MYL2: variants seen among roughly 807,000 people sequenced by gnomAD.
The protein encoded by MYL2 is myosin regulatory light chain 2, ventricular/cardiac muscle isoform.
Under a neutral mutation model 23.0 loss-of-function variants are expected in MYL2, and 19 were observed. That is an observed-to-expected ratio of 0.83 (90% confidence interval 0.58 to 1.21). The LOEUF (loss-of-function observed/expected upper bound fraction) is 1.21. Among genes scored for constraint, MYL2 ranks in the 50% most tolerant of loss-of-function variants. MYL2 has a pLI of 0.00. For synonymous variants in MYL2, 78 were observed against 76.2 expected (o/e 1.02, Z -0.13); for missense variants, 180 against 215.1 (o/e 0.84, Z 1.02).
chr12:110,916,443 G>A (rs1592801360), intron 2 of MYL2, among the ~76,000 whole-genome samples: 1 of 152,218 alleles, frequency 6.6e-6, no homozygotes. Context: ...ACTGATGAAT[G>A]GATAAACCAA....
intron 3 of MYL2, among the ~76,000 whole-genome samples, chr12:110,915,122 A>G (rs1217932386): frequency 6.6e-6 from 1 of 152,194 alleles, no homozygotes; most frequent in Non-Finnish European, 1.5e-5. Context: ...CTCACTACAA[A>G]TGTGAATACT....
At chr12:110,920,159 A>G (rs775026826) in intron 1 of MYL2, among the ~76,000 whole-genome samples, 2 of 152,204 alleles carry the variant, frequency 1.3e-5, no homozygotes, top group Non-Finnish European at 2.9e-5. Context: ...AAAAGGTGAA[A>G]ACAAAAACAT....
At position 110,918,932 on chromosome 12, in the gene MYL2, T is replaced by C; in HGVS notation, c.93+172A>G. On this transcript the variant is annotated intron_variant, in intron 2 of 6. Coordinates refer to ENST00000228841, the MANE Select transcript of MYL2 (RefSeq NM_000432.4). The surrounding 1 kb of genome is among the most constrained non-coding windows in gnomAD (Gnocchi z 4.4). The stretch of plus-strand genomic sequence containing the variant: ...TTTACTTTGATAATCAGTGAAAATA[T>C]TAAAAATAGTTTCTTTTAAAAATTC... The C allele has an allele frequency of 1.6e-6, 1 of 634,264 alleles. No individual in the cohort carries two copies. The highest frequency in any genetic ancestry group is 1.8e-5 in the African/African-American group (1 of 54,496). The allele number at this position is 634,264 out of a possible 1,614,324, so 39.3% of individuals were successfully genotyped here. A position where few individuals can be genotyped will look rare whatever the true frequency, so the allele number is the denominator to read the frequency against.
chr12:110,920,589 C>T (rs1409721464), upstream of MYL2: 5 of 1,613,312 alleles, frequency 3.1e-6, no homozygotes, highest in Non-Finnish European at 3.4e-6. Flanking sequence ...CAGCTCTCTG[C>T]AGCCCAGGAA....
At chr12:110,916,139 C>A (rs1234442355) in intron 2 of MYL2, among the ~76,000 whole-genome samples, 3 of 152,184 alleles carry the variant, frequency 2.0e-5, no homozygotes, top group African/African-American at 7.2e-5. Flanking sequence ...AATTCAAGAC[C>A]AGCCTGGCCA....
intron 1 of MYL2, 40 bp downstream of exon 1, chr12:110,920,487 C>T (rs369933580): frequency 1.2e-6 from 2 of 1,613,938 alleles, no homozygotes; most frequent in Non-Finnish European, 1.7e-6. Flanking sequence ...CCTCTCCTCG[C>T]CCACCCGGCA....
chr12:110,911,214 G>A, intron 6 of MYL2, 39 bp from the exon 7 acceptor site: 1 of 1,287,396 alleles, frequency 7.8e-7, no homozygotes, highest in South Asian at 1.2e-5. Context: ...GACGAGGGGA[G>A]GGGAACTGAG....
intron 6 of MYL2, 27 bp downstream of exon 6, chr12:110,913,069 G>C (rs755138515): frequency 1.7e-5 from 28 of 1,613,892 alleles, no homozygotes; most frequent in Non-Finnish European, 2.3e-5. Context: ...AGCTGGGTTA[G>C]AGGGAGTGCT....
intron 3 of MYL2, among the ~76,000 whole-genome samples, chr12:110,915,172 G>A (rs1173422907): frequency 6.6e-6 from 1 of 152,218 alleles, no homozygotes; most frequent in East Asian, 1.9e-4. Context: ...GCACAGCTGT[G>A]TATGGTTGCC....
Position 110,918,190 on chromosome 12 carries a change from G to T in MYL2, c.93+914C>A, listed in dbSNP as rs1231342065. 6.6e-6 allele frequency among the ~76,000 whole-genome samples: 1 copy of T among 152,172 alleles called. No homozygotes were observed. Among genetic ancestry groups the T allele is most frequent in the Non-Finnish European group, 1.5e-5 (1 of 68,028 alleles). On this transcript the variant is annotated intron_variant, in intron 2 of 6. Coordinates refer to ENST00000228841, the MANE Select transcript of MYL2 (RefSeq NM_000432.4). This position sits in a 1 kb window ranked among gnomAD's most constrained non-coding sequence, Gnocchi z 4.4. ...TGAGTCAGTGTGAGCCCTCGCAACG[G>T]CTGGAAAATGAATTCTGAGCCTGTC... is the stretch of plus-strand genomic sequence containing the variant.
intron 3 of MYL2, among the ~76,000 whole-genome samples, chr12:110,915,487 C>CA (rs1032677802): frequency 6.6e-6 from 1 of 151,412 alleles, no homozygotes; most frequent in African/African-American, 2.4e-5. Flanking sequence ...ACATTGCATT[C>CA]AAAATCACAC....
intron 2 of MYL2, among the ~76,000 whole-genome samples, chr12:110,916,367 A>G (rs531023256): frequency 6.6e-6 from 1 of 152,268 alleles, no homozygotes; most frequent in South Asian, 2.1e-4. Flanking sequence ...AAAAACCTGA[A>G]CACAAATGTG....
chr12:110,920,254 G>A (rs950035736), intron 1 of MYL2, among the ~76,000 whole-genome samples: 3 of 152,178 alleles, frequency 2.0e-5, no homozygotes, highest in Non-Finnish European at 4.4e-5. Context: ...AGTCCTGGGA[G>A]TTATTGATTC....
intron 1 of MYL2, 33 bp from the exon 2 acceptor site, chr12:110,919,226 G>A (rs765315783): frequency 6.3e-7 from 1 of 1,595,292 alleles, no homozygotes; most frequent in Non-Finnish European, 8.6e-7. Flanking sequence ...AAAAGAGTGA[G>A]AGGCTGGGAG....
At position 110,918,494 on chromosome 12, in the gene MYL2, T is replaced by C. The variant is rs1389645632; in HGVS notation, c.93+610A>G. On this transcript the variant is annotated intron_variant, in intron 2 of 6. Coordinates refer to ENST00000228841, the MANE Select transcript of MYL2 (RefSeq NM_000432.4). The surrounding 1 kb of genome is among the most constrained non-coding windows in gnomAD (Gnocchi z 4.4). ...TTGGGGGGCAATTCGGACCAGCAGT[T>C]CTGCCTGTTTTTAGTTCTTTTGTTG... Among the ~76,000 whole-genome samples the C allele has an allele frequency of 6.6e-6, 1 of 152,188 alleles. No homozygotes were observed. Among genetic ancestry groups the C allele is most frequent in the Admixed American group, 6.5e-5 (1 of 15,282 alleles).
At chr12:110,917,788 A>G (rs1266839871) in intron 2 of MYL2, among the ~76,000 whole-genome samples, 1 of 152,236 alleles carries the variant, frequency 6.6e-6, no homozygotes, top group East Asian at 1.9e-4. Flanking sequence ...CCCCTTTGAT[A>G]TAAAGCACAC....
At chr12:110,914,464 T>C (rs748380077) in intron 3 of MYL2, 174 bp from the exon 4 acceptor site, 4 of 662,190 alleles carry the variant, frequency 6.0e-6, no homozygotes, top group African/African-American at 1.8e-5. Context: ...GTGTTATTTA[T>C]AATAACCAAA....
chr12:110,920,455 G>A, intron 1 of MYL2, 72 bp downstream of exon 1: 1 of 1,609,938 alleles, frequency 6.2e-7, no homozygotes, highest in Non-Finnish European at 8.5e-7. Context: ...CCTCCGCCGT[G>A]GTCCCTCGCT....
intron 3 of MYL2, 87 bp from the exon 4 acceptor site, chr12:110,914,377 C>T: frequency 1.1e-6 from 1 of 884,248 alleles, no homozygotes; most frequent in Non-Finnish European, 1.9e-6. Flanking sequence ...GATTCCACTT[C>T]AAGAAATCTA....
Sources: allele counts gnomAD v4.1 joint callset (sites outside exome capture counted in the v4.1 genomes callset), GRCh38; gene constraint gnomAD v4.1.1; non-coding constraint Gnocchi (gnomAD v3.1); transcripts MANE v1.5; gene names NCBI Gene and HGNC (gene_info 2026-07-23, HGNC 2026-07-21).